The following GP5 variants were observed in gnomAD, a reference collection of about 807,000 sequenced individuals.
The protein encoded by GP5 is platelet glycoprotein V.
For missense variants in GP5, 755 were observed against 737.1 expected (o/e 1.02, Z -0.28); for synonymous variants, 382 against 353.9 (o/e 1.08, Z -0.89).
At position 194,397,419 on chromosome 3, in the gene GP5, C is replaced by T. The variant is rs145958971; in HGVS notation, c.864G>A (p.Glu288=). The change falls in exon 2 of 2, where the codon GAG becomes GAA. Residue 288 remains glutamate (E), a synonymous_variant. Coordinates refer to ENST00000692618, the MANE Select transcript of GP5 (RefSeq NM_004488.2). This position sits in a 1 kb window ranked among gnomAD's most constrained non-coding sequence, Gnocchi z 7.2. ...LAELPGVLFG[E]MGGLQELWLN... is the part of the protein sequence containing the mutation. ...GCCACAGCTCCTGCAGGCCCCCCAT[C>T]TCCCCGAAGAGCACCCCCGGGAGCT... is the stretch of plus-strand genomic sequence containing the variant. 4.0e-5 allele frequency: 64 copies of T among 1,613,008 alleles called. No homozygotes were observed. In the African/African-American group the frequency reaches 7.9e-4, roughly 20 times the overall value.
chr3:194,396,883 C>T lies in GP5; in HGVS notation c.1400G>A (p.Gly467Glu), dbSNP rs1428056942. 1 of 1,537,630 alleles carries T rather than the reference C, an allele frequency of 6.5e-7. No individual in the cohort carries two copies. ...GGGGCCCGGGCACTCCGCGTCACCCCCCGGCAGGGCCCAGAGCGGCAGGCC... is the reference window on the plus strand; with the variant it reads ...GGGGCCCGGGCACTCCGCGTCACCCTCCGGCAGGGCCCAGAGCGGCAGGCC... Reference protein sequence around the residue: ...HAGLPLWALPGGDAECPGPRG... With the variant: ...HAGLPLWALPEGDAECPGPRG... The change falls in exon 2 of 2, where the codon GGG (glycine) becomes GAG (glutamate). Residue 467 changes from glycine to glutamate, a missense_variant. Coordinates refer to ENST00000692618, the MANE Select transcript of GP5 (RefSeq NM_004488.2).
At position 194,397,428 on chromosome 3, in the gene GP5, G is replaced by A; in HGVS notation, c.855C>T (p.Leu285=). The change falls in exon 2 of 2, where the codon CTC becomes CTT. Residue 285 remains leucine, a synonymous_variant. Coordinates refer to ENST00000692618, the MANE Select transcript of GP5 (RefSeq NM_004488.2). The surrounding 1 kb of genome is among the most constrained non-coding windows in gnomAD (Gnocchi z 7.2). ...ENPLAELPGV[L]FGEMGGLQEL... is the part of the protein sequence containing the mutation. Reference sequence around the variant, plus strand: ...CCTGCAGGCCCCCCATCTCCCCGAAGAGCACCCCCGGGAGCTCTGCCAGCG... The same window carrying A: ...CCTGCAGGCCCCCCATCTCCCCGAAAAGCACCCCCGGGAGCTCTGCCAGCG... 6.2e-7 allele frequency: 1 copy of A among 1,613,222 alleles called. No homozygotes were observed. The highest frequency in any genetic ancestry group is 1.1e-5 in the South Asian group (1 of 91,074).
chr3:194,397,550 T>A lies in GP5; in HGVS notation c.733A>T (p.Ser245Cys). The change falls in exon 2 of 2, where the codon AGT becomes TGT. Residue 245 changes from serine to cysteine, a missense_variant. Physicochemically the swap from Ser to Cys is moderately radical, Grantham distance 112 (BLOSUM62 -1). Transcript: ENST00000692618. The surrounding 1 kb of genome is among the most constrained non-coding windows in gnomAD (Gnocchi z 7.2). ...TGGTTTCTCGAAAGCGTCAAAGAAC[T>A]GAGGTTTGGGAGCCGGTCGAAGGCC... ...PGAFDRLPNL[S>C]SLTLSRNHLA... The A allele has an allele frequency of 6.2e-7, 1 of 1,613,860 alleles. No individual in the cohort carries two copies. Among genetic ancestry groups the A allele is most frequent in the Non-Finnish European group, 8.5e-7 (1 of 1,179,958 alleles).
rs1714428998 is a variant in GP5 at position 194,395,523 on chromosome 3, G to C, written c.*1077C>G. 1 of 152,244 alleles carries C rather than the reference G, an allele frequency of 6.6e-6. No individual in the cohort carries two copies. Among genetic ancestry groups the C allele is most frequent in the African/African-American group, 2.4e-5 (1 of 41,454 alleles). The allele number at this position is 152,244 out of a possible 1,614,324, so 9.4% of individuals were successfully genotyped here. On this transcript the variant is annotated 3_prime_UTR_variant, in exon 2 of 2. Coordinates refer to ENST00000692618, the MANE Select transcript of GP5 (RefSeq NM_004488.2). ...CAAGTGGAAACTCACAGGAGGCTCA[G>C]GAAACACGCTGGACCTACACTGGGC...
At position 194,397,456 on chromosome 3, in the gene GP5, T is replaced by C; in HGVS notation, c.827A>G (p.Asn276Ser). 6.2e-7 allele frequency: 1 copy of C among 1,613,434 alleles called. No homozygotes were observed. ...HNLTLLTLFE[N>S]PLAELPGVLF... is the part of the protein sequence containing the mutation. ...CACCCCCGGGAGCTCTGCCAGCGGG[T>C]TCTCGAACAGAGTCAACAGAGTCAG... Residue 276 changes from asparagine to serine, a missense_variant, in exon 2 of 2, where the codon AAC (asparagine) becomes AGC (serine). Asn to Ser is a conservative substitution (Grantham distance 46). Transcript: ENST00000692618. This position sits in a 1 kb window ranked among gnomAD's most constrained non-coding sequence, Gnocchi z 7.2.
chr3:194,399,069 G>A (rs529104158), intron 1 of GP5, among the ~76,000 whole-genome samples, 169 bp downstream of exon 1: 8 of 152,190 alleles, frequency 5.3e-5, no homozygotes, highest in Non-Finnish European at 1.0e-4. Flanking sequence ...TAATACTCAC[G>A]GCACTGAATT....
In GP5 at chr3:194,397,049, G is replaced by C. The variant is rs1464362941; in HGVS notation, c.1234C>G (p.Arg412Gly). ...TGCCCCAACAGGACCTCCGTCAGCC[G>C]GGGCAGAGCCCCAAACACGTCGCCA... The part of the protein sequence containing the change: ...LPGDVFGALP[R>G]LTEVLLGHNS... The change falls in exon 2 of 2, where the codon CGG (arginine) becomes GGG (glycine). Residue 412 changes from arginine (R) to glycine (G), a missense_variant. By Grantham distance (125) the Arg-to-Gly change is moderately radical (BLOSUM62 -2). Transcript: ENST00000692618. The surrounding 1 kb of genome is among the most constrained non-coding windows in gnomAD (Gnocchi z 7.2). The C allele has an allele frequency of 1.3e-6, 2 of 1,597,080 alleles. No homozygotes were observed. The highest frequency in any genetic ancestry group is 1.3e-5 in the African/African-American group (1 of 74,982).
chr3:194,398,710 G>A (rs572086210), intron 1 of GP5, among the ~76,000 whole-genome samples: 1 of 152,310 alleles, frequency 6.6e-6, no homozygotes, highest in South Asian at 2.1e-4. Flanking sequence ...AAAGTCTGCA[G>A]CCACCACCAT....
chr3:194,398,935 T>C (rs1025764503), intron 1 of GP5, among the ~76,000 whole-genome samples: 1 of 152,206 alleles, frequency 6.6e-6, no homozygotes, highest in Non-Finnish European at 1.5e-5. Context: ...TATCCCCGAT[T>C]CAAGGATGAA....
chr3:194,398,396 A>C, intron 1 of GP5, 112 bp from the exon 2 acceptor site: 105 of 1,024,184 alleles, frequency 1.0e-4, no homozygotes, highest in Non-Finnish European at 1.4e-4. Context: ...CAGAATTCTC[A>C]CTCCCTCTTT....
At chr3:194,398,854 G>A (rs1572840) in intron 1 of GP5, among the ~76,000 whole-genome samples, 24,650 of 152,136 alleles carry the variant, frequency 0.16, 2,103 homozygotes, top group African/African-American at 0.21. Context: ...TTTACGCCAT[G>A]CATTGTTCTC....
chr3:194,396,461 A>T lies in GP5; in HGVS notation c.*139T>A, dbSNP rs1714454938. The T allele has an allele frequency of 1.5e-6, 1 of 655,120 alleles. No homozygotes were observed. The highest frequency in any genetic ancestry group is 2.6e-6 in the Non-Finnish European group (1 of 382,480). The allele number at this position is 655,120 out of a possible 1,614,324, so 40.6% of individuals were successfully genotyped here. A position where few individuals can be genotyped will look rare whatever the true frequency, so the allele number is the denominator to read the frequency against. On this transcript the variant is annotated 3_prime_UTR_variant, in exon 2 of 2. Transcript: ENST00000692618. The stretch of plus-strand genomic sequence containing the variant: ...GGAGAGGGGGAGGAGGAGGGAAAGG[A>T]AGGCGTGGCAGTGAGAGAGAAGAGG...
Position 194,396,872 on chromosome 3 carries a change from C to A in GP5, c.1411G>T (p.Glu471Ter), listed in dbSNP as rs752627621. The change falls in exon 2 of 2, where the codon GAG becomes TAG. Residue 471 changes from glutamate (E) to a stop codon, truncating the protein, a stop_gained. Coordinates refer to ENST00000692618, the MANE Select transcript of GP5 (RefSeq NM_004488.2). LOFTEE classifies it low-confidence loss of function (END_TRUNC). ...PLWALPGGDA[E>*]CPGPRGPPPR... ...GGCGGGCCCCGGGGGCCCGGGCACT[C>A]CGCGTCACCCCCCGGCAGGGCCCAG... is the stretch of plus-strand genomic sequence containing the variant. The A allele has an allele frequency of 1.3e-6, 2 of 1,539,194 alleles. No homozygotes were observed. The highest frequency in any genetic ancestry group is 4.2e-5 in the Admixed American group (2 of 47,264).
chr3:194,397,051 G>A lies in GP5; in HGVS notation c.1232C>T (p.Pro411Leu), dbSNP rs1216471356. Residue 411 changes from proline (P) to leucine (L), a missense_variant, in exon 2 of 2, where the codon CCC becomes CTC. Pro to Leu is a moderately conservative substitution (Grantham distance 98, BLOSUM62 -3). Transcript: ENST00000692618. This position sits in a 1 kb window ranked among gnomAD's most constrained non-coding sequence, Gnocchi z 7.2. ...TLPGDVFGAL[P>L]RLTEVLLGHN... The stretch of plus-strand genomic sequence containing the variant: ...CCCCAACAGGACCTCCGTCAGCCGG[G>A]GCAGAGCCCCAAACACGTCGCCAGG... The A allele has an allele frequency of 4.4e-6, 7 of 1,597,170 alleles. No individual in the cohort carries two copies. Among genetic ancestry groups the A allele is most frequent in the Non-Finnish European group, 5.1e-6 (6 of 1,178,770 alleles).
chr3:194,394,828 T>C lies in GP5; in HGVS notation c.*1772A>G, dbSNP rs1424045334. ...CCACCTGGTGGTGTTGGAGGATCCA[T>C]TGCTCTGGATTGTGAGCACAGAGTC... On this transcript the variant is annotated 3_prime_UTR_variant, in exon 2 of 2. Transcript: ENST00000692618. The C allele has an allele frequency of 6.6e-6, 1 of 152,240 alleles. No homozygotes were observed. Among genetic ancestry groups the C allele is most frequent in the Admixed American group, 6.5e-5 (1 of 15,288 alleles). The allele number at this position is 152,240 out of a possible 1,614,324, so 9.4% of individuals were successfully genotyped here.
rs1714470526 is a variant in GP5, at chr3:194,396,834, A to G, written c.1449T>C (p.Ala483=). The change falls in exon 2 of 2, where the codon GCT becomes GCC. Residue 483 remains alanine, a synonymous_variant. Transcript: ENST00000692618. Reference sequence around the variant, plus strand: ...CAGGGGCTTCCGAGGAGCTGTCCGCAGCGGGGCGGGGAGGCGGGCCCCGGG... The same window carrying G: ...CAGGGGCTTCCGAGGAGCTGTCCGCGGCGGGGCGGGGAGGCGGGCCCCGGG... The part of the protein sequence containing the change: ...PGPRGPPPRP[A]ADSSSEAPVH... 2 of 1,580,936 alleles carry G rather than the reference A, an allele frequency of 1.3e-6. No homozygotes were observed. The highest frequency in any genetic ancestry group is 1.7e-6 in the Non-Finnish European group (2 of 1,165,210).
rs1307719459 is a variant in GP5 at position 194,396,884 on chromosome 3, C to T, written c.1399G>A (p.Gly467Arg). The T allele has an allele frequency of 5.2e-6, 8 of 1,538,286 alleles. No individual in the cohort carries two copies. Among genetic ancestry groups the T allele is most frequent in the Non-Finnish European group, 2.6e-6 (3 of 1,148,932 alleles). Residue 467 changes from glycine (G) to arginine (R), a missense_variant, in exon 2 of 2, where the codon GGG becomes AGG. Physicochemically the swap from Gly to Arg is moderately radical, Grantham distance 125. Transcript: ENST00000692618. ...GGGCCCGGGCACTCCGCGTCACCCC[C>T]CGGCAGGGCCCAGAGCGGCAGGCCG... is the stretch of plus-strand genomic sequence containing the variant. ...HAGLPLWALPGGDAECPGPRG... is the reference protein window; with the variant it reads ...HAGLPLWALPRGDAECPGPRG...
chr3:194,395,159 T>C lies in GP5; in HGVS notation c.*1441A>G, dbSNP rs931429758. The C allele has an allele frequency of 2.0e-5, 3 of 152,186 alleles. No homozygotes were observed. The highest frequency in any genetic ancestry group is 7.2e-5 in the African/African-American group (3 of 41,440). The allele number at this position is 152,186 out of a possible 1,614,324, so 9.4% of individuals were successfully genotyped here. A position where few individuals can be genotyped will look rare whatever the true frequency, so the allele number is the denominator to read the frequency against. ...GTTTTAAGGTTCAGGAAACCAAGGCTTAGAGAATGTAAGCAGGTGTCTTAC... is the reference window on the plus strand; with the variant it reads ...GTTTTAAGGTTCAGGAAACCAAGGCCTAGAGAATGTAAGCAGGTGTCTTAC... On this transcript the variant is annotated 3_prime_UTR_variant, in exon 2 of 2. Coordinates refer to ENST00000692618, the MANE Select transcript of GP5 (RefSeq NM_004488.2).
At position 194,397,578 on chromosome 3, in the gene GP5, G is replaced by C; in HGVS notation, c.705C>G (p.Pro235=). The C allele has an allele frequency of 6.2e-7, 1 of 1,614,198 alleles. No individual in the cohort carries two copies. Among genetic ancestry groups the C allele is most frequent in the Non-Finnish European group, 8.5e-7 (1 of 1,180,044 alleles). Residue 235 remains proline (P), a synonymous_variant, in exon 2 of 2, where the codon CCC becomes CCG. Coordinates refer to ENST00000692618, the MANE Select transcript of GP5 (RefSeq NM_004488.2). This position sits in a 1 kb window ranked among gnomAD's most constrained non-coding sequence, Gnocchi z 7.2. ...FHRNHIRSIA[P]GAFDRLPNLS... is the part of the protein sequence containing the mutation. ...GGTTTGGGAGCCGGTCGAAGGCCCC[G>C]GGTGCGATGGAACGGATGTGATTTC...
Sources: gnomAD v4.1 joint callset for allele counts (sites outside exome capture counted in the v4.1 genomes callset) on GRCh38, gnomAD v4.1.1 for gene constraint, Gnocchi (gnomAD v3.1) non-coding constraint, MANE v1.5 for transcripts, NCBI Gene and HGNC (gene_info 2026-07-23, HGNC 2026-07-21) for gene names.